GPHN: variants seen among roughly 807,000 people sequenced by gnomAD.
GPHN encodes gephyrin.
GPHN carries 17 observed loss-of-function variants against 95.5 expected under a neutral mutation model. The ratio of observed to expected loss-of-function variants is 0.18; its 90% CI spans 0.12 to 0.27. The LOEUF is 0.27. Among genes scored for constraint, GPHN ranks in the 10% least tolerant of loss-of-function variants. GPHN has a pLI of 1.00. For synonymous variants in GPHN, 320 were observed against 322.5 expected, an observed-to-expected ratio of 0.99 and a Z score of 0.08; for missense variants, 660 against 978.1, an observed-to-expected ratio of 0.67 and a Z score of 4.34.
At chr14:66,652,597 C>T (rs1470199714) in intron 1 of GPHN, among the ~76,000 whole-genome samples, 1 of 151,220 alleles carries the variant, frequency 6.6e-6, no homozygotes, top group Non-Finnish European at 1.5e-5. Context: ...TTTTAATATT[C>T]TAAAGCTATA....
the GPHN span, chr14:67,393,320 AGGGTATAAAGCAAGT>A: frequency 2.1e-6 from 2 of 940,970 alleles, no homozygotes; most frequent in Admixed American, 3.4e-5. Flanking sequence ...GTCACTGCTA[AGGGTATAAAGCAAGT>A]GGCAAATGGT....
At chr14:67,705,725 A>T in the GPHN span, among the ~76,000 whole-genome samples, 6 of 152,290 alleles carry the variant, frequency 3.9e-5, no homozygotes, top group South Asian at 8.3e-4. Flanking sequence ...GTATGCAGGA[A>T]TTTTTTGTAT....
At chr14:67,131,785 T>A (rs1720369022) in intron 17 of GPHN, among the ~76,000 whole-genome samples, 1 of 152,130 alleles carries the variant, frequency 6.6e-6, no homozygotes, top group South Asian at 2.1e-4. Context: ...CCAAATAGAA[T>A]CCACTTGGGG....
the GPHN span, among the ~76,000 whole-genome samples, chr14:67,563,618 A>C: frequency 6.7e-6 from 1 of 150,302 alleles, no homozygotes; most frequent in Admixed American, 6.6e-5. Flanking sequence ...TTTTTAGTAG[A>C]GGCAGGGTTT....
chr14:66,620,944 G>A (rs2063264363), intron 1 of GPHN, among the ~76,000 whole-genome samples: 1 of 152,138 alleles, frequency 6.6e-6, no homozygotes, highest in Non-Finnish European at 1.5e-5. Flanking sequence ...CCCCATGCCA[G>A]TCCCAAATCC....
At chr14:67,606,021 T>G in the GPHN span, among the ~76,000 whole-genome samples, 7 of 152,160 alleles carry the variant, frequency 4.6e-5, no homozygotes, top group Admixed American at 4.6e-4. Flanking sequence ...TTTCTCATGT[T>G]AATGTGTGCT....
chr14:67,201,168 C>T, the GPHN span, among the ~76,000 whole-genome samples: 2 of 152,132 alleles, frequency 1.3e-5, no homozygotes, highest in African/African-American at 4.8e-5. Flanking sequence ...GTGCTGCACA[C>T]CTGTATTCCT....
At chr14:66,877,189 C>G (rs1345523048) in intron 4 of GPHN, among the ~76,000 whole-genome samples, 1 of 152,148 alleles carries the variant, frequency 6.6e-6, no homozygotes, top group African/African-American at 2.4e-5. Context: ...TTCAGCGGCA[C>G]TTCATGCTAA....
intron 5 of GPHN, among the ~76,000 whole-genome samples, chr14:66,883,633 T>C (rs1314196473): frequency 6.6e-6 from 1 of 152,072 alleles, no homozygotes; most frequent in African/African-American, 2.4e-5. Context: ...TAACTCCTGT[T>C]AAAATCCTTT....
chr14:67,217,906 TC>T, the GPHN span, among the ~76,000 whole-genome samples: 1 of 152,214 alleles, frequency 6.6e-6, no homozygotes, highest in Non-Finnish European at 1.5e-5. Flanking sequence ...AAAAAATGCC[TC>T]CTCCAATTTT....
chr14:67,285,101 A>G, the GPHN span, among the ~76,000 whole-genome samples: 1 of 152,124 alleles, frequency 6.6e-6, no homozygotes, highest in African/African-American at 2.4e-5. Context: ...CTACTTAGTA[A>G]TATTAAGTTC....
chr14:67,255,787 A>G, the GPHN span, among the ~76,000 whole-genome samples: 28 of 152,310 alleles, frequency 1.8e-4, no homozygotes, highest in Non-Finnish European at 3.4e-4. Context: ...ACCGGGGTTC[A>G]AACAATTCTT....
chr14:67,455,159 T>C, the GPHN span, among the ~76,000 whole-genome samples: 8 of 152,318 alleles, frequency 5.3e-5, no homozygotes, highest in East Asian at 1.9e-4. Context: ...AGCTTTCTTA[T>C]TGAGCACGGT....
At chr14:66,618,566 T>G (rs1405940347) in intron 1 of GPHN, among the ~76,000 whole-genome samples, 3 of 152,186 alleles carry the variant, frequency 2.0e-5, no homozygotes, top group African/African-American at 7.2e-5. Flanking sequence ...GATTTTTGCA[T>G]CTCTACTCAT....
chr14:66,517,494 A>G (rs1344467868), intron 1 of GPHN, among the ~76,000 whole-genome samples: 1 of 152,216 alleles, frequency 6.6e-6, no homozygotes, highest in Non-Finnish European at 1.5e-5. Flanking sequence ...AGCAATCCTG[A>G]ACAAAAAGGA....
intron 18 of GPHN, among the ~76,000 whole-genome samples, chr14:67,144,286 T>TACATATATATATATATATACAC (rs2080764080): frequency 1.3e-5 from 1 of 78,126 alleles, no homozygotes; most frequent in African/African-American, 6.4e-5. Context: ...TATATATATA[T>TACATATATATATATATATACAC]ACACACACAC....
At chr14:67,324,897 A>ATTTTTTTTT in the GPHN span, among the ~76,000 whole-genome samples, 6 of 76,328 alleles carry the variant, frequency 7.9e-5, no homozygotes, top group East Asian at 4.4e-4. Context: ...CCTTCCTTTC[A>ATTTTTTTTT]TTTTTTTTTT....
the GPHN span, among the ~76,000 whole-genome samples, chr14:67,554,165 C>T: frequency 6.6e-6 from 1 of 152,146 alleles, no homozygotes; most frequent in African/African-American, 2.4e-5. Context: ...AAAGAGATCC[C>T]CCAGGTTCCC....
the GPHN span, among the ~76,000 whole-genome samples, chr14:67,379,654 C>CTTTTTTTTTTTTTTTTTTTTTTTTTTTT: frequency 9.2e-5 from 11 of 119,952 alleles, 2 homozygotes; most frequent in East Asian, 5.9e-4. Flanking sequence ...TTTTCTTTTT[C>CTTTTTTTTTTTTTTTTTTTTTTTTTTTT]TTTTTTTTTT....
Sources: gnomAD v4.1 joint callset for allele counts (sites outside exome capture counted in the v4.1 genomes callset) on GRCh38, gnomAD v4.1.1 for gene constraint, MANE v1.5 for transcripts, NCBI Gene and HGNC (gene_info 2026-07-23, HGNC 2026-07-21) for gene names.